Variants in FBXO34 observed in about 807,000 individuals in gnomAD.
FBXO34 encodes F-box only protein 34.
Under a neutral mutation model 24.5 loss-of-function variants are expected in FBXO34, and 12 were observed. The observed-to-expected ratio is 0.49, with a 90% CI of 0.31 to 0.79. FBXO34 has a LOEUF of 0.79. FBXO34 is among the 30% of genes least tolerant of loss of function. FBXO34 has a pLI of 0.04. For synonymous variants in FBXO34, 320 were observed against 311.9 expected, an observed-to-expected ratio of 1.03 and a Z score of -0.27; for missense variants, 823 against 857.7, an observed-to-expected ratio of 0.96 and a Z score of 0.51.
At chr14:55,349,924 A>T (rs1884288498) in intron 1 of FBXO34, among the ~76,000 whole-genome samples, 1 of 152,010 alleles carries the variant, frequency 6.6e-6, no homozygotes, top group Non-Finnish European at 1.5e-5. Context: ...AATAATTTTG[A>T]TGGGCTGTTT....
chr14:55,275,086 T>C (rs1329748570), intron 1 of FBXO34, among the ~76,000 whole-genome samples: 2 of 152,258 alleles, frequency 1.3e-5, no homozygotes, highest in Admixed American at 1.3e-4. Context: ...ATGCTTATGG[T>C]ATTTTGAAGC....
At chr14:55,440,525 C>T in the FBXO34 span, 9 of 1,608,006 alleles carry the variant, frequency 5.6e-6, no homozygotes, top group African/African-American at 1.3e-5. Context: ...GAACCCGCTC[C>T]GGCCAGGGCG....
At chr14:55,346,354 C>A (rs969373458) in intron 1 of FBXO34, among the ~76,000 whole-genome samples, 1 of 152,114 alleles carries the variant, frequency 6.6e-6, no homozygotes, top group Non-Finnish European at 1.5e-5. Flanking sequence ...AAGAGTGGCA[C>A]AGTTTAGTGA....
At chr14:55,284,710 G>A (rs1169199445) in intron 1 of FBXO34, among the ~76,000 whole-genome samples, 1 of 147,950 alleles carries the variant, frequency 6.8e-6, no homozygotes, top group East Asian at 2.0e-4. Flanking sequence ...CAACCACCCA[G>A]GCTCAAGCAA....
chr14:55,437,122 T>A, the FBXO34 span: 2 of 993,064 alleles, frequency 2.0e-6, no homozygotes, highest in Non-Finnish European at 3.1e-6. Flanking sequence ...GTATTCAGTG[T>A]AAGAGGCAGT....
chr14:55,287,340 CTG>C (rs1477237683), intron 1 of FBXO34, among the ~76,000 whole-genome samples: 2 of 152,234 alleles, frequency 1.3e-5, no homozygotes, highest in East Asian at 3.9e-4. Flanking sequence ...TGTGCACAGT[CTG>C]TAGTTATTTA....
chr14:55,340,377 A>T (rs910713211), intron 1 of FBXO34, among the ~76,000 whole-genome samples: 1 of 150,666 alleles, frequency 6.6e-6, no homozygotes, highest in East Asian at 1.9e-4. Context: ...AAATAGGACT[A>T]CAAATACAGG....
At chr14:55,340,370 T>G (rs751191815) in intron 1 of FBXO34, among the ~76,000 whole-genome samples, 1 of 151,430 alleles carries the variant, frequency 6.6e-6, no homozygotes, top group Non-Finnish European at 1.5e-5. Context: ...ACCTCCCAAA[T>G]AGGACTACAA....
chr14:55,283,970 G>GTGTGTGTGTGTGTC (rs1555334932), intron 1 of FBXO34, among the ~76,000 whole-genome samples: 1 of 151,272 alleles, frequency 6.6e-6, no homozygotes, highest in Non-Finnish European at 1.5e-5. Context: ...GTGTGTGTGT[G>GTGTGTGTGTGTGTC]TGTGTCTGTG....
At chr14:55,360,135 C>T (rs978201057) in intron 3 of FBXO34, among the ~76,000 whole-genome samples, 9 of 151,898 alleles carry the variant, frequency 5.9e-5, no homozygotes, top group South Asian at 2.1e-4. Flanking sequence ...TGCAGTGGTG[C>T]GATCTCAGCT....
chr14:55,299,104 C>A, intron 1 of FBXO34: 3 of 1,367,138 alleles, frequency 2.2e-6, no homozygotes, highest in African/African-American at 1.4e-5. Flanking sequence ...GAGCTCATGG[C>A]GGAATTAGAA....
At chr14:55,433,863 T>C in the FBXO34 span, 1 of 612,058 alleles carries the variant, frequency 1.6e-6, no homozygotes. Flanking sequence ...TACATTAAGG[T>C]TAACAAAAAT....
intron 1 of FBXO34, among the ~76,000 whole-genome samples, chr14:55,321,337 A>T: frequency 6.6e-6 from 1 of 152,066 alleles, no homozygotes; most frequent in South Asian, 2.1e-4. Flanking sequence ...GATGCCTTCT[A>T]TTCCCTGGCT....
chr14:55,397,012 T>C, the FBXO34 span, among the ~76,000 whole-genome samples: 1 of 152,194 alleles, frequency 6.6e-6, no homozygotes, highest in Non-Finnish European at 1.5e-5. Context: ...AATACTGATA[T>C]GGACAAAAGA....
At chr14:55,370,528 G>A (rs375564914), downstream of FBXO34, among the ~76,000 whole-genome samples, 5 of 152,020 alleles carry the variant, frequency 3.3e-5, no homozygotes, top group East Asian at 5.8e-4. Flanking sequence ...TTTCTCAAAG[G>A]TCCCTAATAA....
the FBXO34 span, among the ~76,000 whole-genome samples, chr14:55,429,616 A>T: frequency 1.2e-4 from 19 of 152,226 alleles, no homozygotes; most frequent in South Asian, 1.7e-3. Flanking sequence ...ATACAAAAAA[A>T]TTAGCTGGAC....
the FBXO34 span, among the ~76,000 whole-genome samples, chr14:55,408,388 C>G: frequency 6.6e-6 from 1 of 152,110 alleles, no homozygotes; most frequent in Non-Finnish European, 1.5e-5. Context: ...ACAGGGAGGT[C>G]AAAGCTGCAG....
Position 55,352,020 on chromosome 14 carries a change from G to A in FBXO34, c.1630G>A (p.Val544Met). 1 of 1,614,202 alleles carries A rather than the reference G, an allele frequency of 6.2e-7. No homozygotes were observed. Among genetic ancestry groups the A allele is most frequent in the South Asian group, 1.1e-5 (1 of 91,082 alleles). ...CTCTTCTGTGGAAAGTACATTACCA[G>A]TGCTTGAGGCATCCAGTTGGAAGAA... ...PASSVESTLP[V>M]LEASSWKKQV... Residue 544 changes from valine (V) to methionine (M), a missense_variant, in exon 2 of 2, where the codon GTG (valine) becomes ATG (methionine). Val to Met is a conservative substitution (Grantham distance 21, BLOSUM62 1). Coordinates refer to ENST00000313833, the MANE Select transcript of FBXO34 (RefSeq NM_017943.4).
chr14:55,409,398 G>C, the FBXO34 span, among the ~76,000 whole-genome samples: 14 of 152,224 alleles, frequency 9.2e-5, no homozygotes, highest in African/African-American at 1.4e-4. Context: ...CCCTCATAGA[G>C]TTTATATCAC....
Sources: gnomAD v4.1 joint callset for allele counts (sites outside exome capture counted in the v4.1 genomes callset) on GRCh38, gnomAD v4.1.1 for gene constraint, MANE v1.5 for transcripts, NCBI Gene and HGNC (gene_info 2026-07-23, HGNC 2026-07-21) for gene names.